The following CDH4 variants were observed in gnomAD, a reference collection of about 807,000 sequenced individuals.
CDH4 encodes the protein cadherin 4.
In CDH4, 33 loss-of-function variants were observed where a neutral mutation model predicts 86.0. The observed-to-expected ratio is 0.38, with a 90% confidence interval of 0.29 to 0.51. The LOEUF (loss-of-function observed/expected upper bound fraction) is 0.51, where lower values mean the gene tolerates loss of function less well. CDH4 is among the 20% of genes least tolerant of loss of function. The pLI, the probability that CDH4 is intolerant of heterozygous loss-of-function variation, is 0.86. For missense variants in CDH4, 1,114 were observed against 1,307.4 expected, an observed-to-expected ratio of 0.85 and a Z score of 2.28; for synonymous variants, 555 against 549.4, an observed-to-expected ratio of 1.01 and a Z score of -0.14.
At chr20:61,924,220 A>G (rs2055019384) in intron 10 of CDH4, 114 bp from the exon 11 acceptor site, 2 of 1,065,394 alleles carry the variant, frequency 1.9e-6, no homozygotes, top group African/African-American at 3.1e-5. Flanking sequence ...CTCCAAGGAG[A>G]CAGAGACACT....
intron 2 of CDH4, among the ~76,000 whole-genome samples, chr20:61,651,015 TGA>T (rs1206492267): frequency 1.3e-5 from 2 of 152,242 alleles, no homozygotes; most frequent in Non-Finnish European, 2.9e-5. Context: ...TGTGCTTGTG[TGA>T]GTTAGCCTCG....
chr20:61,280,576 T>C (rs201013095), intron 2 of CDH4, among the ~76,000 whole-genome samples: 1 of 152,338 alleles, frequency 6.6e-6, no homozygotes, highest in Admixed American at 6.5e-5. Context: ...TTCACGGCTG[T>C]GAAAAATACT....
intron 2 of CDH4, among the ~76,000 whole-genome samples, chr20:61,737,852 A>G (rs1197462659): frequency 6.6e-6 from 1 of 152,130 alleles, no homozygotes; most frequent in Non-Finnish European, 1.5e-5. Flanking sequence ...GTGCTCAGAG[A>G]GGGACCACCG....
chr20:61,655,631 C>T (rs759779622), intron 2 of CDH4, among the ~76,000 whole-genome samples: 30 of 152,234 alleles, frequency 2.0e-4, no homozygotes, highest in African/African-American at 6.0e-4. Flanking sequence ...CAAGAAGCTC[C>T]GCTGGCTTTT....
intron 2 of CDH4, among the ~76,000 whole-genome samples, chr20:61,332,501 T>C (rs182539997): frequency 6.6e-6 from 1 of 152,354 alleles, no homozygotes; most frequent in East Asian, 1.9e-4. Flanking sequence ...TGATCTACGG[T>C]AGGGGGATTC....
intron 2 of CDH4, among the ~76,000 whole-genome samples, chr20:61,717,152 A>T (rs1274353422): frequency 1.3e-5 from 2 of 152,112 alleles, no homozygotes; most frequent in South Asian, 4.2e-4. Context: ...CTTGGCAGAG[A>T]TGAGTAAAGC....
intron 9 of CDH4, among the ~76,000 whole-genome samples, chr20:61,922,293 C>T (rs2054991254): frequency 6.6e-6 from 1 of 152,196 alleles, no homozygotes; most frequent in South Asian, 2.1e-4. Context: ...CTCAGGGCCC[C>T]AAGCTTTTTC....
intron 4 of CDH4, among the ~76,000 whole-genome samples, chr20:61,790,012 G>A (rs564065776): frequency 6.6e-6 from 1 of 152,262 alleles, no homozygotes; most frequent in East Asian, 1.9e-4. Flanking sequence ...GGGGTGAACA[G>A]TATATCCACA....
intron 3 of CDH4, among the ~76,000 whole-genome samples, chr20:61,744,066 C>G (rs112803771): frequency 1.3e-5 from 2 of 152,336 alleles, no homozygotes; most frequent in Admixed American, 6.5e-5. Flanking sequence ...TGTTTTTGAA[C>G]AAGGGGCCCC....
At chr20:61,303,013 C>T (rs546306657) in intron 2 of CDH4, among the ~76,000 whole-genome samples, 203 of 152,308 alleles carry the variant, frequency 1.3e-3, no homozygotes, top group African/African-American at 4.7e-3. Flanking sequence ...GCCTCCCCAG[C>T]ATGGCTGACA....
At chr20:61,596,607 G>C (rs1436827529) in intron 2 of CDH4, among the ~76,000 whole-genome samples, 1 of 152,186 alleles carries the variant, frequency 6.6e-6, no homozygotes, top group East Asian at 1.9e-4. Context: ...AGTGGCTAAT[G>C]TTTACTGACG....
intron 9 of CDH4, among the ~76,000 whole-genome samples, chr20:61,912,700 G>T (rs1180833846): frequency 3.3e-5 from 5 of 152,214 alleles, no homozygotes; most frequent in African/African-American, 1.2e-4. Flanking sequence ...TCTTAGAGAA[G>T]AGGCAAAATA....
chr20:61,508,664 C>T (rs1480262885), intron 2 of CDH4, among the ~76,000 whole-genome samples: 5 of 152,358 alleles, frequency 3.3e-5, no homozygotes, highest in African/African-American at 1.2e-4. Flanking sequence ...GTGCTGAAGG[C>T]AGGGCTGGCC....
At position 61,936,903 on chromosome 20, in the gene CDH4, A is replaced by C; in HGVS notation, c.2711A>C (p.Lys904Thr). Reference protein sequence around the residue: ...DYLNDWGPRFKKLADMYGGGE... With the variant: ...DYLNDWGPRFTKLADMYGGGE... ...CTCAACGACTGGGGGCCCAGATTCA[A>C]GAAGCTGGCGGACATGTATGGAGGT... The change falls in exon 16 of 16, where the codon AAG becomes ACG. Residue 904 changes from lysine to threonine, a missense_variant. Physicochemically the swap from Lys to Thr is moderately conservative, Grantham distance 78. This residue lies in a region of CDH4 where 188 missense variants were observed against 183.8 expected (regional missense o/e 1.02). Coordinates refer to ENST00000614565, the MANE Select transcript of CDH4 (RefSeq NM_001794.5). The C allele has an allele frequency of 6.2e-7, 1 of 1,600,820 alleles. No individual in the cohort carries two copies. The highest frequency in any genetic ancestry group is 1.3e-5 in the African/African-American group (1 of 74,496).
chr20:61,764,733 C>T (rs6061810), intron 3 of CDH4, among the ~76,000 whole-genome samples: 118,722 of 152,172 alleles, frequency 0.78, 47,045 homozygotes, highest in East Asian at 0.93. Flanking sequence ...CTCCCCAAGG[C>T]GCCCCAGCCT....
intron 2 of CDH4, among the ~76,000 whole-genome samples, chr20:61,701,383 G>A (rs1424154591): frequency 6.6e-6 from 1 of 152,216 alleles, no homozygotes; most frequent in Admixed American, 6.5e-5. Flanking sequence ...TGGATGTCAG[G>A]GTCGTGGCTG....
intron 2 of CDH4, among the ~76,000 whole-genome samples, chr20:61,597,006 G>A (rs1011169710): frequency 2.0e-5 from 3 of 152,150 alleles, no homozygotes; most frequent in African/African-American, 4.8e-5. Flanking sequence ...CTTTATTAAC[G>A]CGATTAGTAA....
At chr20:61,556,724 G>A (rs1011232604) in intron 2 of CDH4, among the ~76,000 whole-genome samples, 9 of 152,080 alleles carry the variant, frequency 5.9e-5, no homozygotes, top group African/African-American at 2.2e-4. Context: ...GCCCCCAGTG[G>A]AGGTCCCCCA....
At chr20:61,843,413 G>A (rs1982268460) in intron 4 of CDH4, among the ~76,000 whole-genome samples, 1 of 137,952 alleles carries the variant, frequency 7.2e-6, no homozygotes, top group Admixed American at 8.2e-5. Flanking sequence ...TTGCACCACT[G>A]CAGTCCGCAG....
Sources: gnomAD v4.1 joint callset for allele counts (sites outside exome capture counted in the v4.1 genomes callset) on GRCh38, gnomAD v4.1.1 for gene constraint, gnomAD v4.1.1 regional missense constraint, MANE v1.5 for transcripts, NCBI Gene and HGNC (gene_info 2026-07-23, HGNC 2026-07-21) for gene names.